The following NEK6 variants were observed in gnomAD, a reference collection of about 807,000 sequenced individuals.
The protein encoded by NEK6 is NIMA related kinase 6.
Under a neutral mutation model 43.5 loss-of-function variants are expected in NEK6, and 27 were observed. The ratio of observed to expected loss-of-function variants is 0.62; its 90% CI spans 0.46 to 0.86. The LOEUF is 0.86. NEK6 is among the 40% of genes least tolerant of loss of function. The pLI, the probability that NEK6 is intolerant of heterozygous loss-of-function variation, is 0.00. For missense variants in NEK6, 318 were observed against 414.4 expected, an observed-to-expected ratio of 0.77 and a Z score of 2.02; for synonymous variants, 167 against 164.1, an observed-to-expected ratio of 1.02 and a Z score of -0.14.
intron 2 of NEK6, among the ~76,000 whole-genome samples, chr9:124,304,661 A>G (rs970011363): frequency 1.3e-5 from 2 of 152,180 alleles, no homozygotes; most frequent in African/African-American, 4.8e-5. Flanking sequence ...TAATACCCCC[A>G]GTGTAGAAAG....
At chr9:124,278,342 G>C (rs1564618175) in intron 1 of NEK6, among the ~76,000 whole-genome samples, 1 of 152,210 alleles carries the variant, frequency 6.6e-6, no homozygotes, top group East Asian at 1.9e-4. Flanking sequence ...GTTTATATCT[G>C]TGGTACTTTG....
intron 9 of NEK6, 65 bp from the exon 10 acceptor site, chr9:124,350,772 T>C: frequency 8.9e-7 from 1 of 1,120,744 alleles, no homozygotes; most frequent in Non-Finnish European, 1.3e-6. Flanking sequence ...GCAGACAGAC[T>C]GTGGAGTGCG....
chr9:124,336,380 C>A (rs78933060), intron 7 of NEK6, among the ~76,000 whole-genome samples: 2,818 of 152,302 alleles, frequency 0.019, 86 homozygotes, highest in African/African-American at 0.065. Context: ...CTTTAAAAAT[C>A]ATAGTGACTG....
intron 5 of NEK6, among the ~76,000 whole-genome samples, chr9:124,325,696 T>C (rs554732451): frequency 6.6e-6 from 1 of 152,220 alleles, no homozygotes; most frequent in Non-Finnish European, 1.5e-5. Context: ...CTTTAGTTTT[T>C]GTTTTCTTCC....
At chr9:124,348,240 A>C (rs1439996793) in intron 9 of NEK6, among the ~76,000 whole-genome samples, 1 of 152,194 alleles carries the variant, frequency 6.6e-6, no homozygotes, top group Non-Finnish European at 1.5e-5. Context: ...ATGACAGGAA[A>C]CTACGGCAGG....
chr9:124,281,497 T>C lies in NEK6; in HGVS notation c.-29-20439T>C, dbSNP rs987931900. 8.5e-4 allele frequency among the ~76,000 whole-genome samples: 117 copies of C among 137,692 alleles called. 1 individual carries two copies. The highest frequency in any genetic ancestry group is 3.6e-3 in the Middle Eastern group (1 of 280). The allele number at this position is 137,692 out of a possible 152,430, so 90.3% of individuals were successfully genotyped here. ...TGTCAGCTGTTTTTTCTTTTTTTTT[T>C]TTTTTTTTTTTTTTTTTTTTGGAGG... On this transcript the variant is annotated intron_variant, in intron 1 of 9. Coordinates refer to ENST00000320246, the MANE Select transcript of NEK6 (RefSeq NM_014397.6).
At chr9:124,304,173 G>C (rs184858694) in intron 2 of NEK6, among the ~76,000 whole-genome samples, 18 of 152,410 alleles carry the variant, frequency 1.2e-4, no homozygotes, top group Admixed American at 9.8e-4. Flanking sequence ...TCCAGGTTGG[G>C]ATGGGAAAGG....
intron 8 of NEK6, among the ~76,000 whole-genome samples, 165 bp downstream of exon 8, chr9:124,339,830 A>G (rs1339933233): frequency 6.6e-6 from 1 of 152,068 alleles, no homozygotes; most frequent in Non-Finnish European, 1.5e-5. Context: ...CCTCAGCCCC[A>G]CGTGGGGCCT....
rs376810709 is a variant in NEK6 at position 124,332,783 on chromosome 9, C to T, written c.622+5338C>T. Among the ~76,000 whole-genome samples, 19 of 152,322 alleles carry T rather than the reference C, an allele frequency of 1.2e-4. No homozygotes were observed. The East Asian group carries it at 3.7e-3, about 29-fold the overall frequency. Reference sequence around the variant, plus strand: ...AGCGGGGCCCCTTTAATCAGCCTCCCTCTTTCAGATCCCGCATTCTCCTCT... The same window carrying T: ...AGCGGGGCCCCTTTAATCAGCCTCCTTCTTTCAGATCCCGCATTCTCCTCT... On this transcript the variant is annotated intron_variant, in intron 7 of 9. Transcript: ENST00000320246.
At chr9:124,320,304 G>A (rs1444925669) in intron 4 of NEK6, among the ~76,000 whole-genome samples, 1 of 152,216 alleles carries the variant, frequency 6.6e-6, no homozygotes, top group Non-Finnish European at 1.5e-5. Flanking sequence ...GCCAGTGGCT[G>A]AGCCTGCTCT....
intron 1 of NEK6, among the ~76,000 whole-genome samples, chr9:124,296,599 G>A (rs930095502): frequency 9.9e-5 from 15 of 152,192 alleles, no homozygotes; most frequent in Admixed American, 9.2e-4. Flanking sequence ...CACCTCCAGG[G>A]TTCAGAGCAA....
intron 8 of NEK6, among the ~76,000 whole-genome samples, chr9:124,346,939 G>C (rs1178181657): frequency 2.0e-5 from 3 of 152,238 alleles, no homozygotes; most frequent in African/African-American, 7.2e-5. Context: ...GCCAGCCCAA[G>C]CCTCGCCACA....
At chr9:124,286,113 C>G (rs1832147746) in intron 1 of NEK6, among the ~76,000 whole-genome samples, 1 of 152,168 alleles carries the variant, frequency 6.6e-6, no homozygotes, top group Non-Finnish European at 1.5e-5. Context: ...TAAACACTGC[C>G]TTTTGCAGAG....
chr9:124,320,283 GA>G (rs1834002219), intron 4 of NEK6, among the ~76,000 whole-genome samples: 1 of 152,238 alleles, frequency 6.6e-6, no homozygotes, highest in Non-Finnish European at 1.5e-5. Flanking sequence ...GACGCATGGG[GA>G]GGAGCTGGGG....
chr9:124,316,245 G>C (rs1432987760), intron 4 of NEK6, among the ~76,000 whole-genome samples: 1 of 152,204 alleles, frequency 6.6e-6, no homozygotes. Flanking sequence ...TGGTGGGGTC[G>C]GCAGCTGCCA....
chr9:124,339,815 A>C (rs1588539453), intron 8 of NEK6, 150 bp downstream of exon 8: 5 of 647,858 alleles, frequency 7.7e-6, no homozygotes, highest in African/African-American at 1.8e-5. Flanking sequence ...CCTGTCCTTC[A>C]CCCTCCTCAG....
At chr9:124,283,258 A>G (rs1321424340) in intron 1 of NEK6, among the ~76,000 whole-genome samples, 1 of 152,182 alleles carries the variant, frequency 6.6e-6, no homozygotes, top group Non-Finnish European at 1.5e-5. Context: ...CTCAGTCAAT[A>G]CTGAATGAGA....
chr9:124,286,034 C>G (rs1832142099), intron 1 of NEK6, among the ~76,000 whole-genome samples: 1 of 152,204 alleles, frequency 6.6e-6, no homozygotes, highest in South Asian at 2.1e-4. Context: ...GCAGCCAAGG[C>G]TGAAACTCAT....
At chr9:124,287,669 A>G (rs756624312) in intron 1 of NEK6, among the ~76,000 whole-genome samples, 15 of 152,190 alleles carry the variant, frequency 9.9e-5, no homozygotes, top group Non-Finnish European at 2.1e-4. Flanking sequence ...TACTAAAAAT[A>G]GAAAGATTTG....
Sources: gnomAD v4.1 joint callset for allele counts (sites outside exome capture counted in the v4.1 genomes callset) on GRCh38, gnomAD v4.1.1 for gene constraint, MANE v1.5 for transcripts, NCBI Gene and HGNC (gene_info 2026-07-23, HGNC 2026-07-21) for gene names.